Variants in ZHX2 observed in about 807,000 individuals in gnomAD.
The protein encoded by ZHX2 is zinc fingers and homeoboxes 2.
Under a neutral mutation model 21.9 loss-of-function variants are expected in ZHX2, and 6 were observed. That is an observed-to-expected ratio of 0.27 (90% confidence interval 0.15 to 0.54). ZHX2 has a LOEUF of 0.54. Among genes scored for constraint, ZHX2 ranks in the 20% least tolerant of loss-of-function variants. The pLI is 0.95. For synonymous variants in ZHX2, 434 were observed against 437.1 expected, an observed-to-expected ratio of 0.99 and a Z score of 0.09; for missense variants, 908 against 1,090.7, an observed-to-expected ratio of 0.83 and a Z score of 2.36.
chr8:122,968,842 A>G (rs1345319805), intron 3 of ZHX2, among the ~76,000 whole-genome samples: 3 of 14,290 alleles, frequency 2.1e-4, no homozygotes, highest in African/African-American at 6.5e-4. Context: ...TCCATCTTGG[A>G]AAAAAAAAAA....
intron 1 of ZHX2, among the ~76,000 whole-genome samples, chr8:122,855,533 C>T (rs1293176096): frequency 6.6e-6 from 1 of 152,066 alleles, no homozygotes; most frequent in African/African-American, 2.4e-5. Context: ...CAGTTTGGGG[C>T]TCGTGGCCAC....
At chr8:122,820,741 C>T (rs1268037828) in intron 1 of ZHX2, among the ~76,000 whole-genome samples, 8 of 152,094 alleles carry the variant, frequency 5.3e-5, no homozygotes, top group African/African-American at 9.7e-5. Flanking sequence ...TTCAACTCCA[C>T]GAGATGGTTT....
At chr8:122,821,635 G>C (rs969336887) in intron 1 of ZHX2, among the ~76,000 whole-genome samples, 1 of 152,116 alleles carries the variant, frequency 6.6e-6, no homozygotes, top group Non-Finnish European at 1.5e-5. Flanking sequence ...AGAGATGTGA[G>C]GTGAGAGCGG....
At chr8:122,783,847 G>A (rs1409547268) in intron 1 of ZHX2, among the ~76,000 whole-genome samples, 1 of 152,224 alleles carries the variant, frequency 6.6e-6, no homozygotes, top group African/African-American at 2.4e-5. Context: ...AAATCTACAA[G>A]TAAGGCTGAA....
At chr8:122,845,277 A>G (rs1818729201) in intron 1 of ZHX2, among the ~76,000 whole-genome samples, 1 of 152,268 alleles carries the variant, frequency 6.6e-6, no homozygotes, top group Non-Finnish European at 1.5e-5. Context: ...TAAGGTTAAT[A>G]AATGTTAACT....
intron 1 of ZHX2, among the ~76,000 whole-genome samples, chr8:122,838,469 A>G (rs2130701798): frequency 6.6e-6 from 1 of 152,310 alleles, no homozygotes; most frequent in Admixed American, 6.5e-5. Flanking sequence ...AAGGTTCAAC[A>G]AGAGGTGAAT....
intron 2 of ZHX2, among the ~76,000 whole-genome samples, chr8:122,889,209 A>G (rs1819918778): frequency 6.6e-6 from 1 of 152,186 alleles, no homozygotes; most frequent in Admixed American, 6.5e-5. Flanking sequence ...TATCTCTTCA[A>G]CATACTGATT....
chr8:122,868,365 A>T (rs761503621), intron 2 of ZHX2, among the ~76,000 whole-genome samples: 8 of 152,124 alleles, frequency 5.3e-5, no homozygotes, highest in African/African-American at 9.7e-5. Flanking sequence ...AGAAAAATCA[A>T]GGCCGGGCAC....
intron 2 of ZHX2, among the ~76,000 whole-genome samples, chr8:122,909,831 G>C (rs1161382703): frequency 1.3e-5 from 2 of 152,186 alleles, no homozygotes; most frequent in African/African-American, 4.8e-5. Context: ...GCAGCCTGCA[G>C]CCAGGGCAAT....
chr8:122,805,762 G>A (rs2120911), intron 1 of ZHX2, among the ~76,000 whole-genome samples: 1 of 152,262 alleles, frequency 6.6e-6, no homozygotes, highest in Admixed American at 6.5e-5. Context: ...CCTCAGCCCA[G>A]CAGTTGTGGC....
chr8:122,854,696 A>T (rs1818987523), intron 1 of ZHX2, among the ~76,000 whole-genome samples: 1 of 152,136 alleles, frequency 6.6e-6, no homozygotes, highest in Non-Finnish European at 1.5e-5. Flanking sequence ...CAGGCAAGAC[A>T]TCCTCTAGCT....
intron 2 of ZHX2, among the ~76,000 whole-genome samples, chr8:122,914,917 A>G (rs1469590755): frequency 6.6e-6 from 1 of 152,202 alleles, no homozygotes; most frequent in African/African-American, 2.4e-5. Context: ...AAATGGGAGC[A>G]TCTTGCCTTC....
intron 1 of ZHX2, among the ~76,000 whole-genome samples, chr8:122,853,308 T>C (rs1818946615): frequency 6.6e-6 from 1 of 152,052 alleles, no homozygotes; most frequent in South Asian, 2.1e-4. Context: ...TCCCCACAAC[T>C]CTCCTTTGAG....
At chr8:122,903,388 T>A (rs888011954) in intron 2 of ZHX2, among the ~76,000 whole-genome samples, 9 of 152,306 alleles carry the variant, frequency 5.9e-5, no homozygotes, top group African/African-American at 2.2e-4. Context: ...AGTCCTTTAA[T>A]GAGTTTAAAA....
At chr8:122,909,360 G>T (rs1003304835) in intron 2 of ZHX2, among the ~76,000 whole-genome samples, 1 of 151,936 alleles carries the variant, frequency 6.6e-6, no homozygotes, top group Non-Finnish European at 1.5e-5. Flanking sequence ...TTGAACCCAG[G>T]AGGTGGAGGT....
chr8:122,860,193 C>A (rs991597825), intron 1 of ZHX2, among the ~76,000 whole-genome samples: 1 of 152,184 alleles, frequency 6.6e-6, no homozygotes, highest in Non-Finnish European at 1.5e-5. Context: ...CATCAGATCT[C>A]GTGAGAACTC....
chr8:122,942,478 G>A (rs6989244), intron 2 of ZHX2, among the ~76,000 whole-genome samples: 90,908 of 152,088 alleles, frequency 0.6, 29,470 homozygotes, highest in East Asian at 0.77. Flanking sequence ...GTCAAAGCCC[G>A]GAGGTGTGAT....
intron 1 of ZHX2, among the ~76,000 whole-genome samples, chr8:122,822,338 A>C (rs1426988689): frequency 2.0e-5 from 3 of 152,130 alleles, no homozygotes; most frequent in African/African-American, 7.2e-5. Context: ...GGTTGGAACC[A>C]AAAGGGACCT....
intron 2 of ZHX2, among the ~76,000 whole-genome samples, chr8:122,883,949 G>A (rs1169990233): frequency 2.0e-5 from 3 of 152,192 alleles, no homozygotes; most frequent in Non-Finnish European, 1.5e-5. Flanking sequence ...ACGGGAATAC[G>A]CTCTAAGAAA....
Sources: gnomAD v4.1 joint callset for allele counts (sites outside exome capture counted in the v4.1 genomes callset) on GRCh38, gnomAD v4.1.1 for gene constraint, MANE v1.5 for transcripts, NCBI Gene and HGNC (gene_info 2026-07-23, HGNC 2026-07-21) for gene names.